TBC1D1: variants seen among roughly 807,000 people sequenced by gnomAD.
TBC1D1 encodes the protein TBC1 domain family member 1.
TBC1D1 carries 89 observed loss-of-function variants against 125.6 expected under a neutral mutation model. The observed-to-expected ratio is 0.71, with a 90% CI of 0.60 to 0.85. The LOEUF is 0.85. TBC1D1 is among the 40% of genes least tolerant of loss of function. The probability of loss-of-function intolerance (pLI) is 0.00; values close to 1 mark genes in which losing one functional copy is unlikely to be tolerated. For missense variants in TBC1D1, 1,377 were observed against 1,469.2 expected, an observed-to-expected ratio of 0.94 and a Z score of 1.03; for synonymous variants, 565 against 564.1, an observed-to-expected ratio of 1.00 and a Z score of -0.02.
chr4:38,110,001 C>T (rs1456772602), intron 15 of TBC1D1, among the ~76,000 whole-genome samples: 2 of 152,158 alleles, frequency 1.3e-5, no homozygotes, highest in African/African-American at 4.8e-5. Flanking sequence ...TTGCCAGTAC[C>T]ACTCCCTGGA....
At position 37,977,907 on chromosome 4, in the gene TBC1D1, CGGGTGTCGCCCTCGT is replaced by C. The variant is rs1440821034; in HGVS notation, c.418-36600_418-36586del. ...AAGTCGACCCCGCGTGTCTCCCTCGCGGGTGTCGCCCTCGTGTGTCTCCCTCGCAGAAGTCGGCTT... is the reference window on the plus strand; with the variant it reads ...AAGTCGACCCCGCGTGTCTCCCTCGCGTGTCTCCCTCGCAGAAGTCGGCTT... On this transcript the variant is annotated intron_variant, in intron 2 of 19. Transcript: ENST00000261439. This position sits in a 1 kb window ranked among gnomAD's most constrained non-coding sequence, Gnocchi z 4.3. Among the ~76,000 whole-genome samples the C allele has an allele frequency of 3.3e-5, 5 of 152,098 alleles. No homozygotes were observed. The highest frequency in any genetic ancestry group is 7.4e-5 in the Non-Finnish European group (5 of 67,998).
In TBC1D1 at chr4:38,118,056, G is replaced by A. The variant is rs1763258355; in HGVS notation, c.2826G>A (p.Arg942=). 4.3e-6 allele frequency: 7 copies of A among 1,614,136 alleles called. No homozygotes were observed. The East Asian group carries it at 1.6e-4, about 36-fold the overall frequency. ...AGATCCAGATGTACCAGCTCTCGAG[G>A]TTGCTTCATGATTACCACAGAGACC... is the stretch of plus-strand genomic sequence containing the variant. The change falls in exon 17 of 20, where the codon AGG becomes AGA. Residue 942 remains arginine, a synonymous_variant. Coordinates refer to ENST00000261439, the MANE Select transcript of TBC1D1 (RefSeq NM_015173.4).
intron 2 of TBC1D1, among the ~76,000 whole-genome samples, chr4:37,938,784 T>A (rs184216491): frequency 6.6e-6 from 1 of 152,320 alleles, no homozygotes; most frequent in African/African-American, 2.4e-5. Context: ...TGTTTGGTTT[T>A]CTGTTCTTGC....
chr4:38,080,902 A>G (rs1178713318), intron 12 of TBC1D1, among the ~76,000 whole-genome samples: 1 of 152,126 alleles, frequency 6.6e-6, no homozygotes, highest in Non-Finnish European at 1.5e-5. Flanking sequence ...AGGGATAAAC[A>G]CCTTATGATA....
At chr4:37,917,068 G>A (rs1577839461) in intron 2 of TBC1D1, among the ~76,000 whole-genome samples, 1 of 151,874 alleles carries the variant, frequency 6.6e-6, no homozygotes, top group African/African-American at 2.4e-5. Flanking sequence ...ACCATGCCTG[G>A]CCTGCTGCTA....
intron 2 of TBC1D1, among the ~76,000 whole-genome samples, chr4:37,937,744 T>G (rs1233031614): frequency 6.6e-6 from 1 of 152,180 alleles, no homozygotes; most frequent in Non-Finnish European, 1.5e-5. Flanking sequence ...AATTTGAAGT[T>G]TTTTGCCTGG....
chr4:37,977,285 C>T lies in TBC1D1; in HGVS notation c.418-37224C>T, dbSNP rs1733328227. On this transcript the variant is annotated intron_variant, in intron 2 of 19. Transcript: ENST00000261439. This position sits in a 1 kb window ranked among gnomAD's most constrained non-coding sequence, Gnocchi z 4.3. ...CCACCCCCTCCCCGCGCTCTCCCCT[C>T]CCACTTCCCTTTCTCTGCCTGGCCG... The T allele has an allele frequency of 6.7e-6, 1 of 150,084 alleles. No homozygotes were observed. Among genetic ancestry groups the T allele is most frequent in the Admixed American group, 6.6e-5 (1 of 15,130 alleles). 9.3% of individuals were successfully genotyped at this position (150,084 alleles called of 1,614,324 possible). A position where few individuals can be genotyped will look rare whatever the true frequency, so the allele number is the denominator to read the frequency against.
chr4:38,005,582 C>A (rs1306112483), intron 2 of TBC1D1, among the ~76,000 whole-genome samples: 1 of 152,214 alleles, frequency 6.6e-6, no homozygotes. Context: ...CTTGTGGCTT[C>A]TGGCCTGAGC....
At position 38,111,536 on chromosome 4, in the gene TBC1D1, T is replaced by C. The variant is rs574746654; in HGVS notation, c.2558-4174T>C. ...TCCAAAATAAAATTAGTTAGAAATG[T>C]GACATTGTTTCTACATTTAAAAAAT... On this transcript the variant is annotated intron_variant, in intron 15 of 19. Coordinates refer to ENST00000261439, the MANE Select transcript of TBC1D1 (RefSeq NM_015173.4). Among the ~76,000 whole-genome samples, 5 of 152,380 alleles carry C rather than the reference T, an allele frequency of 3.3e-5. No individual in the cohort carries two copies. In the South Asian group the frequency reaches 1.0e-3, roughly 32 times the overall value.
intron 2 of TBC1D1, among the ~76,000 whole-genome samples, chr4:37,951,559 T>A (rs1422854907): frequency 6.6e-6 from 1 of 152,196 alleles, no homozygotes; most frequent in Non-Finnish European, 1.5e-5. Context: ...CTACAGGCTC[T>A]TTTTTATTCT....
intron 2 of TBC1D1, among the ~76,000 whole-genome samples, chr4:37,953,180 C>G (rs1006570131): frequency 9.2e-5 from 14 of 152,128 alleles, no homozygotes; most frequent in African/African-American, 3.1e-4. Flanking sequence ...TTTGGAATAC[C>G]ACAGTGTGAT....
At chr4:37,997,989 T>A (rs939131276) in intron 2 of TBC1D1, among the ~76,000 whole-genome samples, 14 of 152,172 alleles carry the variant, frequency 9.2e-5, no homozygotes, top group African/African-American at 3.4e-4. Context: ...TTCTGGATTT[T>A]TTTTGGTCAC....
chr4:38,066,885 T>C (rs75838247), intron 12 of TBC1D1, among the ~76,000 whole-genome samples: 2,020 of 152,312 alleles, frequency 0.013, 22 homozygotes, highest in South Asian at 0.053. Flanking sequence ...AGATTTTTTT[T>C]TTCTTTTACC....
At chr4:38,124,545 A>T (rs910123768) in intron 17 of TBC1D1, among the ~76,000 whole-genome samples, 1 of 152,216 alleles carries the variant, frequency 6.6e-6, no homozygotes, top group African/African-American at 2.4e-5. Flanking sequence ...CTTGTTTCAA[A>T]ACAGAGGAAA....
intron 2 of TBC1D1, among the ~76,000 whole-genome samples, chr4:37,949,947 G>A (rs762339468): frequency 1.4e-4 from 22 of 152,080 alleles, no homozygotes; most frequent in Middle Eastern, 3.4e-3. Context: ...TTGAACCCCA[G>A]TTGCACCGAG....
intron 6 of TBC1D1, among the ~76,000 whole-genome samples, chr4:38,023,370 G>A (rs1017633099): frequency 5.3e-5 from 8 of 151,730 alleles, no homozygotes; most frequent in East Asian, 3.8e-4. Context: ...ATTTACCATC[G>A]TAACCTTTTT....
chr4:38,010,139 G>A (rs1741161591), intron 2 of TBC1D1, among the ~76,000 whole-genome samples: 1 of 152,182 alleles, frequency 6.6e-6, no homozygotes, highest in South Asian at 2.1e-4. Flanking sequence ...AGTTTTACTT[G>A]AGGACATTTT....
intron 2 of TBC1D1, chr4:37,960,602 A>G (rs777108106): frequency 6.2e-7 from 1 of 1,614,226 alleles, no homozygotes; most frequent in Non-Finnish European, 8.5e-7. Context: ...CATCAGCCTT[A>G]CCTAAAGCTA....
chr4:38,057,263 C>T (rs1751899354), intron 12 of TBC1D1, among the ~76,000 whole-genome samples: 1 of 152,220 alleles, frequency 6.6e-6, no homozygotes, highest in South Asian at 2.1e-4. Context: ...TCATGCCCCA[C>T]CCGAGCCCTG....
Sources: allele counts gnomAD v4.1 joint callset (sites outside exome capture counted in the v4.1 genomes callset), GRCh38; gene constraint gnomAD v4.1.1; non-coding constraint Gnocchi (gnomAD v3.1); transcripts MANE v1.5; gene names NCBI Gene and HGNC (gene_info 2026-07-23, HGNC 2026-07-21).